The following RNGTT variants were observed in gnomAD, a reference collection of about 807,000 sequenced individuals.
The protein encoded by RNGTT is mRNA-capping enzyme.
A neutral mutation model predicts 79.3 loss-of-function variants in RNGTT; 33 were observed. The ratio of observed to expected loss-of-function variants is 0.42; its 90% CI spans 0.32 to 0.56. The LOEUF (loss-of-function observed/expected upper bound fraction) is 0.56, where lower values mean the gene tolerates loss of function less well. Among genes scored for constraint, RNGTT ranks in the 20% least tolerant of loss-of-function variants. The probability of loss-of-function intolerance (pLI) is 0.17; values close to 1 mark genes in which losing one functional copy is unlikely to be tolerated. For missense variants in RNGTT, 497 were observed against 739.1 expected, an observed-to-expected ratio of 0.67 and a Z score of 3.80; for synonymous variants, 222 against 235.9, an observed-to-expected ratio of 0.94 and a Z score of 0.54.
intron 10 of RNGTT, among the ~76,000 whole-genome samples, chr6:88,845,133 C>A (rs1328414301): frequency 6.6e-6 from 1 of 151,356 alleles, no homozygotes; most frequent in East Asian, 1.9e-4. Context: ...CAGAAAAGTA[C>A]AAGCGAGTAA....
intron 14 of RNGTT, among the ~76,000 whole-genome samples, chr6:88,659,792 C>T (rs2181024): frequency 0.27 from 40,335 of 151,960 alleles, 9,338 homozygotes; most frequent in African/African-American, 0.63. Flanking sequence ...AAATACAGGA[C>T]GCTCAAAGAA....
At chr6:88,834,409 G>T (rs1780991153) in intron 11 of RNGTT, among the ~76,000 whole-genome samples, 1 of 152,160 alleles carries the variant, frequency 6.6e-6, no homozygotes, top group African/African-American at 2.4e-5. Context: ...AATAATGAAT[G>T]ACATATTAAT....
chr6:88,920,666 A>G (rs1447147150), intron 4 of RNGTT, among the ~76,000 whole-genome samples: 1 of 152,194 alleles, frequency 6.6e-6, no homozygotes, highest in African/African-American at 2.4e-5. Context: ...GGTAAACATT[A>G]AATATGCTTA....
At position 88,612,767 on chromosome 6, in the gene RNGTT, C is replaced by A. The variant is rs1231392767; in HGVS notation, c.1746G>T (p.Thr582=). 2 of 1,613,254 alleles carry A rather than the reference C, an allele frequency of 1.2e-6. No homozygotes were observed. The highest frequency in any genetic ancestry group is 1.8e-4 in the Middle Eastern group (1 of 5,494). Residue 582 remains threonine, a synonymous_variant, in exon 16 of 16, where the codon ACG becomes ACT. Coordinates refer to ENST00000369485, the MANE Select transcript of RNGTT (RefSeq NM_003800.5). ...TGGGAGGTGGTGGTGGCATGAGCTC[C>A]GTGTCAGGGTCCAGATGATGTTTTC... ...QKRKHHLDPD[T]ELMPPPPPKR... is the part of the protein sequence containing the mutation.
intron 1 of RNGTT, 47 bp downstream of exon 1, chr6:88,963,299 G>A: frequency 1.3e-6 from 2 of 1,599,936 alleles, no homozygotes; most frequent in Admixed American, 1.7e-5. Flanking sequence ...GCCCACCCCC[G>A]GGCACGTTGG....
intron 14 of RNGTT, 140 bp downstream of exon 14, chr6:88,678,213 G>C (rs1467609767): frequency 4.5e-6 from 6 of 1,321,722 alleles, no homozygotes; most frequent in Admixed American, 3.1e-5. Context: ...AACCTCCTGG[G>C]CTCAAGTGAT....
chr6:88,886,677 A>T (rs973840790), intron 8 of RNGTT, among the ~76,000 whole-genome samples: 6 of 152,236 alleles, frequency 3.9e-5, no homozygotes, highest in Non-Finnish European at 5.9e-5. Flanking sequence ...CATTTTTAAA[A>T]GTATGAGTTT....
chr6:88,855,577 T>C (rs1328523231), intron 8 of RNGTT, among the ~76,000 whole-genome samples: 1 of 151,976 alleles, frequency 6.6e-6, no homozygotes, highest in Non-Finnish European at 1.5e-5. Context: ...AAAGTTTTAA[T>C]AATAATGATA....
chr6:88,941,187 A>G lies in RNGTT; in HGVS notation c.65-7T>C, dbSNP rs966109048. On this transcript the variant is annotated splice_region_variant and splice_polypyrimidine_tract_variant and intron_variant, in intron 1 of 15. Coordinates refer to ENST00000369485, the MANE Select transcript of RNGTT (RefSeq NM_003800.5). The stretch of plus-strand genomic sequence containing the variant: ...TTCAGAGGTAAGAATCTTCCTAAAC[A>G]ACACAGATAGGTAATCATTTCCATA... 5 of 1,461,872 alleles carry G rather than the reference A, an allele frequency of 3.4e-6. No homozygotes were observed. The highest frequency in any genetic ancestry group is 1.8e-5 in the Admixed American group (1 of 55,142). The allele number at this position is 1,461,872 out of a possible 1,614,324, so 90.6% of individuals were successfully genotyped here.
intron 12 of RNGTT, among the ~76,000 whole-genome samples, chr6:88,771,286 C>T (rs1354879390): frequency 7.8e-6 from 1 of 128,438 alleles, no homozygotes; most frequent in Non-Finnish European, 1.6e-5. Flanking sequence ...GTATGAAGCA[C>T]AGGACTGTAT....
At position 88,929,284 on chromosome 6, in the gene RNGTT, A is replaced by T; in HGVS notation, c.175-17T>A. ...CATTTTAACCTAAAAAAAAAAAAAA[A>T]TGAAAGGGCAAATTTACTAGTAACT... is the stretch of plus-strand genomic sequence containing the variant. On this transcript the variant is annotated splice_polypyrimidine_tract_variant and intron_variant, in intron 2 of 15. Coordinates refer to ENST00000369485, the MANE Select transcript of RNGTT (RefSeq NM_003800.5). 7.2e-7 allele frequency: 1 copy of T among 1,393,660 alleles called. No homozygotes were observed. 86.3% of individuals were successfully genotyped at this position (1,393,660 alleles called of 1,614,324 possible).
At chr6:88,624,791 T>A (rs938900843) in intron 14 of RNGTT, among the ~76,000 whole-genome samples, 1 of 151,836 alleles carries the variant, frequency 6.6e-6, no homozygotes, top group South Asian at 2.1e-4. Flanking sequence ...AGACAAAGCA[T>A]AGATTATAAT....
At chr6:88,755,959 C>CAAAAAAAAAAAAAAAAAAAAAAAAAAAA (rs1157096180) in intron 13 of RNGTT, among the ~76,000 whole-genome samples, 1 of 30,500 alleles carries the variant, frequency 3.3e-5, no homozygotes, top group Non-Finnish European at 6.8e-5. Context: ...GACTCCGTCT[C>CAAAAAAAAAAAAAAAAAAAAAAAAAAAA]AAAAAAAAAA....
intron 11 of RNGTT, among the ~76,000 whole-genome samples, chr6:88,817,227 T>C (rs958951386): frequency 1.3e-5 from 2 of 152,074 alleles, no homozygotes; most frequent in Non-Finnish European, 2.9e-5. Flanking sequence ...ATTCAGAACC[T>C]CTTCATACCA....
At chr6:88,928,820 A>G (rs1784397944) in intron 4 of RNGTT, among the ~76,000 whole-genome samples, 165 bp downstream of exon 4, 1 of 152,216 alleles carries the variant, frequency 6.6e-6, no homozygotes. Flanking sequence ...TTATGAAAAT[A>G]CATTTATTAC....
intron 13 of RNGTT, among the ~76,000 whole-genome samples, chr6:88,687,876 T>TATCTA (rs1477241317): frequency 1.3e-5 from 2 of 152,142 alleles, no homozygotes; most frequent in African/African-American, 4.8e-5. Context: ...AAGAGTGACA[T>TATCTA]ATCTATGAGA....
intron 14 of RNGTT, among the ~76,000 whole-genome samples, chr6:88,644,804 G>C (rs185830201): frequency 1.8e-4 from 28 of 152,174 alleles, no homozygotes; most frequent in East Asian, 5.8e-4. Flanking sequence ...ATTCAACAGC[G>C]CTTCATGCTA....
chr6:88,853,258 A>G (rs1781728969), intron 9 of RNGTT, among the ~76,000 whole-genome samples: 1 of 152,242 alleles, frequency 6.6e-6, no homozygotes, highest in Admixed American at 6.5e-5. Flanking sequence ...CTGTAATCCC[A>G]GCACTCTGGG....
chr6:88,901,493 A>ATTTTT (rs1562310733), intron 6 of RNGTT, among the ~76,000 whole-genome samples: 2 of 97,562 alleles, frequency 2.0e-5, no homozygotes, highest in Admixed American at 1.0e-4. Context: ...AAGCACCCTG[A>ATTTTT]TCTTTTTTTT....
Sources: gnomAD v4.1 joint callset for allele counts (sites outside exome capture counted in the v4.1 genomes callset) on GRCh38, gnomAD v4.1.1 for gene constraint, MANE v1.5 for transcripts, NCBI Gene and HGNC (gene_info 2026-07-23, HGNC 2026-07-21) for gene names.